DYNC2H1: variants seen among roughly 807,000 people sequenced by gnomAD.
The protein encoded by DYNC2H1 is dynein cytoplasmic 2 heavy chain 1.
A neutral mutation model predicts 570.0 loss-of-function variants in DYNC2H1; 410 were observed. The ratio of observed to expected loss-of-function variants is 0.72; its 90% CI spans 0.66 to 0.78. The LOEUF (loss-of-function observed/expected upper bound fraction) is 0.78, where lower values mean the gene tolerates loss of function less well. Ranked by LOEUF, DYNC2H1 falls within the 30% of genes least tolerant of loss-of-function variation. The pLI is 0.00. For synonymous variants in DYNC2H1, 1,688 were observed against 1,677.6 expected, an observed-to-expected ratio of 1.01 and a Z score of -0.15; for missense variants, 4,865 against 5,046.4, an observed-to-expected ratio of 0.96 and a Z score of 1.09.
In DYNC2H1 at chr11:103,118,856, G is replaced by C. The variant is rs971690606; in HGVS notation, c.999+993G>C. 2.0e-5 allele frequency among the ~76,000 whole-genome samples: 3 copies of C among 152,130 alleles called. No homozygotes were observed. The East Asian group carries it at 5.8e-4, about 29-fold the overall frequency. On this transcript the variant is annotated intron_variant, in intron 6 of 88. Transcript: ENST00000375735. Reference sequence around the variant, plus strand: ...ATTAGGTTTTCCCATTTTTAGTGCTGTTAAGTTTAATCTGTGAGGGTTCAG... The same window carrying C: ...ATTAGGTTTTCCCATTTTTAGTGCTCTTAAGTTTAATCTGTGAGGGTTCAG...
chr11:103,142,854 T>C (rs1159847217), intron 17 of DYNC2H1, among the ~76,000 whole-genome samples: 1 of 152,216 alleles, frequency 6.6e-6, no homozygotes, highest in African/African-American at 2.4e-5. Flanking sequence ...GTATTGATGC[T>C]GAGACATATG....
At chr11:103,127,977 C>A (rs916157804) in intron 12 of DYNC2H1, among the ~76,000 whole-genome samples, 1 of 152,076 alleles carries the variant, frequency 6.6e-6, no homozygotes, top group African/African-American at 2.4e-5. Flanking sequence ...TTAGGTATGC[C>A]TTGATGAAGA....
At chr11:103,471,358 A>T (rs1565628791) in intron 88 of DYNC2H1, among the ~76,000 whole-genome samples, 1 of 152,212 alleles carries the variant, frequency 6.6e-6, no homozygotes. Flanking sequence ...AGAACATGAG[A>T]TCTACTGCTA....
At chr11:103,161,637 A>C (rs1861097667) in intron 29 of DYNC2H1, among the ~76,000 whole-genome samples, 4 of 152,168 alleles carry the variant, frequency 2.6e-5, no homozygotes, top group Admixed American at 2.6e-4. Context: ...TTAAAAATTA[A>C]ATGAGATAAT....
rs1591404262 is a variant in DYNC2H1, at chr11:103,204,704, A to T, written c.8312-118A>T. 1.5e-6 allele frequency: 1 copy of T among 676,034 alleles called. No individual in the cohort carries two copies. Among genetic ancestry groups the T allele is most frequent in the South Asian group, 2.4e-5 (1 of 41,230 alleles). The allele number at this position is 676,034 out of a possible 1,614,324, so 41.9% of individuals were successfully genotyped here. A position where few individuals can be genotyped will look rare whatever the true frequency, so the allele number is the denominator to read the frequency against. ...AAAAATCATAACATAATATTGTTTT[A>T]TATTGTGCTCGTTTTAAGAAACAAC... On this transcript the variant is annotated intron_variant, in intron 51 of 88. Coordinates refer to ENST00000375735, the MANE Select transcript of DYNC2H1 (RefSeq NM_001377.3). The surrounding 1 kb of genome is among the most constrained non-coding windows in gnomAD (Gnocchi z 4.1).
Position 103,275,395 on chromosome 11 carries a change from A to G in DYNC2H1, c.10696-4953A>G, listed in dbSNP as rs1403165256. Among the ~76,000 whole-genome samples the G allele has an allele frequency of 6.6e-6, 1 of 152,142 alleles. No homozygotes were observed. The highest frequency in any genetic ancestry group is 1.9e-4 in the East Asian group (1 of 5,190). On this transcript the variant is annotated intron_variant, in intron 70 of 88. Transcript: ENST00000375735. The surrounding 1 kb of genome is among the most constrained non-coding windows in gnomAD (Gnocchi z 4.8). Reference sequence around the variant, plus strand: ...GTTTACATTAAAGTTCACTCTTGGTATTGTACCTTATATGGATTTTGAGAA... The same window carrying G: ...GTTTACATTAAAGTTCACTCTTGGTGTTGTACCTTATATGGATTTTGAGAA...
At chr11:103,224,656 G>A (rs1863734794) in intron 59 of DYNC2H1, among the ~76,000 whole-genome samples, 1 of 152,150 alleles carries the variant, frequency 6.6e-6, no homozygotes, top group African/African-American at 2.4e-5. Flanking sequence ...GCTGAATGAT[G>A]GGCATTGGGT....
At chr11:103,391,256 A>G (rs1053276581) in intron 83 of DYNC2H1, among the ~76,000 whole-genome samples, 1 of 152,084 alleles carries the variant, frequency 6.6e-6, no homozygotes. Context: ...TTGATCTTCA[A>G]TCACTGATAT....
In DYNC2H1 at chr11:103,277,455, G is replaced by A. The variant is rs1865958442; in HGVS notation, c.10696-2893G>A. 6.6e-6 allele frequency among the ~76,000 whole-genome samples: 1 copy of A among 152,092 alleles called. No individual in the cohort carries two copies. Among genetic ancestry groups the A allele is most frequent in the East Asian group, 1.9e-4 (1 of 5,196 alleles). The stretch of plus-strand genomic sequence containing the variant: ...CAGAAGCGCTGTATACTTCTGGGAT[G>A]TTTAGTCCCTTCTTACATTCTTGAG... On this transcript the variant is annotated intron_variant, in intron 70 of 88. Transcript: ENST00000375735. The surrounding 1 kb of genome is among the most constrained non-coding windows in gnomAD (Gnocchi z 4.3).
rs373625248 is a variant in DYNC2H1 at position 103,468,719 on chromosome 11, A to G, written c.12765+14A>G. ...TGGATTCCACAGGTAATACATTTTT[A>G]ACAAGCACAAGTTTTAATTATATCA... On this transcript the variant is annotated intron_variant, in intron 88 of 88. Transcript: ENST00000375735. The G allele has an allele frequency of 2.6e-6, 4 of 1,563,358 alleles. No individual in the cohort carries two copies. Among genetic ancestry groups the G allele is most frequent in the African/African-American group, 2.7e-5 (2 of 73,774 alleles).
At chr11:103,310,070 C>T (rs934573027) in intron 78 of DYNC2H1, among the ~76,000 whole-genome samples, 2 of 151,908 alleles carry the variant, frequency 1.3e-5, no homozygotes, top group Admixed American at 6.6e-5. Flanking sequence ...ATAATATGGG[C>T]ATATATTATT....
intron 82 of DYNC2H1, among the ~76,000 whole-genome samples, chr11:103,345,766 G>C (rs1222534458): frequency 1.3e-5 from 2 of 152,160 alleles, no homozygotes; most frequent in African/African-American, 2.4e-5. Flanking sequence ...TACTCTGGCA[G>C]AGTATGTTTT....
intron 84 of DYNC2H1, among the ~76,000 whole-genome samples, chr11:103,423,909 A>G (rs759144387): frequency 5.3e-5 from 8 of 152,160 alleles, no homozygotes; most frequent in Non-Finnish European, 7.4e-5. Flanking sequence ...GAATCCTAGT[A>G]TATGGCACTC....
chr11:103,263,305 GAAA>G (rs755220492), intron 70 of DYNC2H1, among the ~76,000 whole-genome samples: 10 of 152,120 alleles, frequency 6.6e-5, no homozygotes, highest in Non-Finnish European at 1.5e-4. Flanking sequence ...TAATGAGACA[GAAA>G]ATTAACAAGG....
At chr11:103,214,691 T>TCAAGTGATCCACCCAC (rs1863308924) in intron 54 of DYNC2H1, among the ~76,000 whole-genome samples, 1 of 151,696 alleles carries the variant, frequency 6.6e-6, no homozygotes, top group Admixed American at 6.6e-5. Context: ...GATCCACCCA[T>TCAAGTGATCCACCCAC]CTCAGCCTCC....
intron 83 of DYNC2H1, among the ~76,000 whole-genome samples, chr11:103,373,470 G>A (rs1430880): frequency 0.67 from 102,395 of 151,878 alleles, 34,590 homozygotes; most frequent in Admixed American, 0.73. Context: ...GGTTATTAGG[G>A]GCATGTTGTT....
rs114712443 is a variant in DYNC2H1 at position 103,305,130 on chromosome 11, C to T, written c.11382+410C>T. ...ACTGAAGCAAATGTTTCGTTTATCT[C>T]AAATGGACTCAGGAGAAAAATAATC... is the stretch of plus-strand genomic sequence containing the variant. On this transcript the variant is annotated intron_variant, in intron 77 of 88. Transcript: ENST00000375735. The surrounding 1 kb of genome is among the most constrained non-coding windows in gnomAD (Gnocchi z 4.3). 1.0e-3 allele frequency among the ~76,000 whole-genome samples: 155 copies of T among 152,178 alleles called. 1 individual carries two copies. The highest frequency in any genetic ancestry group is 3.5e-3 in the African/African-American group (147 of 41,538).
Position 103,253,446 on chromosome 11 carries a change from C to T in DYNC2H1, c.10204C>T (p.Gln3402Ter), listed in dbSNP as rs768895449. 2 of 1,611,548 alleles carry T rather than the reference C, an allele frequency of 1.2e-6. No homozygotes were observed. The highest frequency in any genetic ancestry group is 1.7e-5 in the Admixed American group (1 of 59,914). The change falls in exon 66 of 89, where the codon CAG becomes TAG. Residue 3402 changes from glutamine to a stop codon, truncating the protein, a stop_gained and splice_region_variant. Coordinates refer to ENST00000375735, the MANE Select transcript of DYNC2H1 (RefSeq NM_001377.3). LOFTEE classifies it high-confidence loss of function. ...TACAACAAGAAGTGGATTACGAGGG[C>T]AGGTATACATAGATAATAATAATTT... ...FTTTRSGLRG[Q>*]LLALTIQHEK...
rs556945147 is a variant in DYNC2H1 at position 103,203,034 on chromosome 11, A to T, written c.8198-629A>T. 4.6e-5 allele frequency among the ~76,000 whole-genome samples: 7 copies of T among 152,270 alleles called. No homozygotes were observed. In the East Asian group the frequency reaches 7.7e-4, roughly 17 times the overall value. On this transcript the variant is annotated intron_variant, in intron 50 of 88. Coordinates refer to ENST00000375735, the MANE Select transcript of DYNC2H1 (RefSeq NM_001377.3). The surrounding 1 kb of genome is among the most constrained non-coding windows in gnomAD (Gnocchi z 4.7). ...ATCTTTTCATTCATTCATTTATGTA[A>T]AACATATTTTTGTTCTAGATACTTA...
Sources: gnomAD v4.1 joint callset for allele counts (sites outside exome capture counted in the v4.1 genomes callset) on GRCh38, gnomAD v4.1.1 for gene constraint, Gnocchi (gnomAD v3.1) non-coding constraint, MANE v1.5 for transcripts, NCBI Gene and HGNC (gene_info 2026-07-23, HGNC 2026-07-21) for gene names.